The following FRMPD4 variants were observed in gnomAD, a reference collection of about 807,000 sequenced individuals.
FRMPD4 encodes the protein FERM and PDZ domain containing 4.
Under a neutral mutation model 94.1 loss-of-function variants are expected in FRMPD4, and 22 were observed. That is an observed-to-expected ratio of 0.23 (90% CI 0.17 to 0.33). FRMPD4 has a LOEUF of 0.33. FRMPD4 is among the 10% of genes least tolerant of loss of function. The pLI, the probability that FRMPD4 is intolerant of heterozygous loss-of-function variation, is 1.00. For synonymous variants in FRMPD4, 631 were observed against 548.6 expected, an observed-to-expected ratio of 1.15 and a Z score of -2.10; for missense variants, 1,111 against 1,339.9, an observed-to-expected ratio of 0.83 and a Z score of 2.67.
chrX:12,104,415 T>A (rs1381814111), intron 3 of FRMPD4, among the ~76,000 whole-genome samples: 2 of 112,304 alleles, frequency 1.8e-5, no homozygotes, highest in African/African-American at 6.5e-5. Context: ...TTCAGAATTG[T>A]CTTCCCTCTT....
chrX:12,518,240 C>T (rs2058124185), intron 2 of FRMPD4, among the ~76,000 whole-genome samples: 1 of 111,832 alleles, frequency 8.9e-6, no homozygotes, highest in Non-Finnish European at 1.9e-5. Flanking sequence ...CTTAGGCAGT[C>T]TCCAGCCGAG....
chrX:11,964,610 G>A (rs745395084), intron 3 of FRMPD4, among the ~76,000 whole-genome samples: 2 of 112,063 alleles, frequency 1.8e-5, no homozygotes, highest in East Asian at 5.6e-4. Context: ...AAGGAGAATT[G>A]AGACACTGTC....
At chrX:12,394,926 C>T (rs1180508195) in intron 1 of FRMPD4, among the ~76,000 whole-genome samples, 2 of 111,458 alleles carry the variant, frequency 1.8e-5, no homozygotes, top group African/African-American at 6.5e-5. Flanking sequence ...CAAATGCTGA[C>T]CGACATAAAG....
chrX:12,502,216 G>T (rs746773140), intron 2 of FRMPD4, among the ~76,000 whole-genome samples: 1 of 112,254 alleles, frequency 8.9e-6, no homozygotes, highest in East Asian at 2.8e-4. Flanking sequence ...ACACAGAAAT[G>T]ATTAACTCCA....
chrX:12,283,350 A>C (rs966786783), intron 1 of FRMPD4, among the ~76,000 whole-genome samples: 3 of 113,162 alleles, frequency 2.7e-5, no homozygotes, highest in African/African-American at 9.6e-5. Flanking sequence ...CTTGAGATCA[A>C]GTTGTTCTAG....
intron 3 of FRMPD4, among the ~76,000 whole-genome samples, chrX:11,892,903 G>A (rs968461895): frequency 8.9e-6 from 1 of 112,071 alleles, no homozygotes; most frequent in African/African-American, 3.2e-5. Flanking sequence ...CTCGATATAC[G>A]TATACCCGGA....
chrX:12,046,142 A>G (rs6639134), intron 3 of FRMPD4, among the ~76,000 whole-genome samples: 8,206 of 111,132 alleles, frequency 0.074, 292 homozygotes, highest in East Asian at 0.23. Context: ...CATGGTGAGA[A>G]GAATTAATAC....
chrX:12,331,157 C>G (rs2055365643), intron 1 of FRMPD4, among the ~76,000 whole-genome samples: 1 of 109,699 alleles, frequency 9.1e-6, no homozygotes, highest in African/African-American at 3.3e-5. Context: ...TTTCCTGACC[C>G]CTGGTTTGGC....
intron 3 of FRMPD4, among the ~76,000 whole-genome samples, chrX:11,917,384 T>C (rs1165240490): frequency 8.9e-6 from 1 of 112,005 alleles, no homozygotes; most frequent in Non-Finnish European, 1.9e-5. Context: ...GCAATTCCAC[T>C]ACTGGGTATC....
At chrX:12,413,448 G>C (rs770305166) in intron 1 of FRMPD4, among the ~76,000 whole-genome samples, 1 of 111,978 alleles carries the variant, frequency 8.9e-6, no homozygotes, top group South Asian at 3.7e-4. Flanking sequence ...CATCAACCCC[G>C]TGAGTTAGAT....
At chrX:12,212,092 G>A (rs1236821171) in intron 1 of FRMPD4, among the ~76,000 whole-genome samples, 1 of 111,088 alleles carries the variant, frequency 9.0e-6, no homozygotes, top group African/African-American at 3.3e-5. Context: ...TCTATAATAG[G>A]CACTGGCAGA....
chrX:12,032,540 A>G (rs771988313), intron 3 of FRMPD4, among the ~76,000 whole-genome samples: 2 of 112,357 alleles, frequency 1.8e-5, no homozygotes, highest in East Asian at 2.8e-4. Context: ...AGAGAGGACT[A>G]TGGGTCCAAG....
intron 1 of FRMPD4, among the ~76,000 whole-genome samples, chrX:12,258,023 C>T (rs189521410): frequency 2.7e-5 from 3 of 110,657 alleles, no homozygotes; most frequent in Admixed American, 1.9e-4. Context: ...AGGTACTCTT[C>T]CTTTCATTTT....
chrX:12,563,899 A>G lies in FRMPD4; in HGVS notation c.159-45822A>G, dbSNP rs185821528. On this transcript the variant is annotated intron_variant, in intron 2 of 16. Coordinates refer to ENST00000675598, the MANE Select transcript of FRMPD4 (RefSeq NM_001368397.1). The stretch of plus-strand genomic sequence containing the variant: ...ATCTTTAAGATGATTGTTGGAGGAC[A>G]TTTGCTTTATGTCTTAGTTCAGACT... Among the ~76,000 whole-genome samples the G allele has an allele frequency of 3.8e-3, 432 of 112,370 alleles. 3 individuals carry two copies. The highest frequency in any genetic ancestry group is 0.013 in the African/African-American group (413 of 30,984).
chrX:12,525,151 T>C (rs1001568143), intron 2 of FRMPD4, among the ~76,000 whole-genome samples: 3 of 110,696 alleles, frequency 2.7e-5, no homozygotes, highest in Non-Finnish European at 5.7e-5. Flanking sequence ...GGAAAATGCC[T>C]TTAACTAGAC....
intron 1 of FRMPD4, among the ~76,000 whole-genome samples, chrX:11,843,332 C>A (rs111353843): frequency 0.048 from 5,319 of 110,970 alleles, 300 homozygotes; most frequent in African/African-American, 0.17. Flanking sequence ...CTATTTTTTT[C>A]TTTAATGTAG....
intron 1 of FRMPD4, among the ~76,000 whole-genome samples, chrX:12,393,089 TG>T (rs2148041184): frequency 8.9e-6 from 1 of 112,815 alleles, no homozygotes; most frequent in East Asian, 2.8e-4. Flanking sequence ...TTAGAAATGT[TG>T]GAACTTCTTC....
intron 1 of FRMPD4, among the ~76,000 whole-genome samples, chrX:12,478,925 C>A (rs1390159361): frequency 8.9e-6 from 1 of 111,765 alleles, no homozygotes; most frequent in African/African-American, 3.2e-5. Context: ...ACTCAACTAG[C>A]TTGGCCACAT....
chrX:11,845,394 A>G (rs773874744), intron 1 of FRMPD4, among the ~76,000 whole-genome samples: 2 of 111,807 alleles, frequency 1.8e-5, no homozygotes, highest in African/African-American at 6.5e-5. Context: ...TTAATAGCTT[A>G]CCAACCAAAA....
Sources: allele counts gnomAD v4.1 joint callset (sites outside exome capture counted in the v4.1 genomes callset), GRCh38; gene constraint gnomAD v4.1.1; transcripts MANE v1.5; gene names NCBI Gene and HGNC (gene_info 2026-07-23, HGNC 2026-07-21).